The following PARN variants were observed in gnomAD, a reference collection of about 807,000 sequenced individuals.
PARN encodes poly(A)-specific ribonuclease PARN.
A neutral mutation model predicts 102.8 loss-of-function variants in PARN; 71 were observed. The observed-to-expected ratio is 0.69, with a 90% CI of 0.57 to 0.84. PARN has a LOEUF of 0.84. Ranked by LOEUF, PARN falls within the 40% of genes least tolerant of loss-of-function variation. The pLI is 0.00. For missense variants in PARN, 782 were observed against 760.9 expected (o/e 1.03, Z -0.33); for synonymous variants, 261 against 252.9 (o/e 1.03, Z -0.30).
intron 11 of PARN, among the ~76,000 whole-genome samples, chr16:14,601,245 C>T (rs979360898): frequency 3.9e-5 from 6 of 152,172 alleles, no homozygotes; most frequent in Admixed American, 1.3e-4. Context: ...AAAATGTGGT[C>T]TAGCCACACA....
In PARN at chr16:14,593,380, T is replaced by A; in HGVS notation, c.841-2A>T. ...ATTGTGTCCAATAACAAGTTTTCCCTAAAGAAAGTCAAGGTTAGAAAAAAG... is the reference window on the plus strand; with the variant it reads ...ATTGTGTCCAATAACAAGTTTTCCCAAAAGAAAGTCAAGGTTAGAAAAAAG... On this transcript the variant is annotated splice_acceptor_variant, in intron 12 of 23. Coordinates refer to ENST00000437198, the MANE Select transcript of PARN (RefSeq NM_002582.4). LOFTEE classifies it high-confidence loss of function. The A allele has an allele frequency of 6.4e-7, 1 of 1,564,186 alleles. No individual in the cohort carries two copies. Among genetic ancestry groups the A allele is most frequent in the Non-Finnish European group, 8.8e-7 (1 of 1,138,762 alleles).
intron 18 of PARN, among the ~76,000 whole-genome samples, chr16:14,559,293 ATAT>A (rs1465809149): frequency 3.3e-5 from 5 of 151,642 alleles, no homozygotes; most frequent in Non-Finnish European, 1.5e-5. Flanking sequence ...TTTTTGAAAA[ATAT>A]TTTTTGTCAA....
chr16:14,454,861 T>TAC (rs1283101271), intron 22 of PARN, among the ~76,000 whole-genome samples: 5 of 152,250 alleles, frequency 3.3e-5, no homozygotes, highest in Non-Finnish European at 7.3e-5. Context: ...TTTTATGTGA[T>TAC]ACACTTATAC....
intron 10 of PARN, among the ~76,000 whole-genome samples, chr16:14,604,710 G>C (rs1445351975): frequency 2.0e-5 from 3 of 152,108 alleles, no homozygotes; most frequent in East Asian, 3.8e-4. Context: ...CTGCCTCCCA[G>C]ATTCAAGTGA....
At chr16:14,497,074 G>A (rs951360035) in intron 21 of PARN, among the ~76,000 whole-genome samples, 10 of 152,074 alleles carry the variant, frequency 6.6e-5, no homozygotes, top group African/African-American at 1.9e-4. Flanking sequence ...GCCTGCAATA[G>A]GTTTTAAATT....
intron 21 of PARN, among the ~76,000 whole-genome samples, chr16:14,526,481 C>G (rs979441306): frequency 3.3e-5 from 5 of 152,128 alleles, no homozygotes; most frequent in African/African-American, 1.2e-4. Flanking sequence ...CCGGCCTCAT[C>G]CACTGTTTTT....
At chr16:14,538,218 A>C (rs1596611117) in intron 21 of PARN, among the ~76,000 whole-genome samples, 2 of 144,962 alleles carry the variant, frequency 1.4e-5, no homozygotes, top group South Asian at 4.3e-4. Flanking sequence ...AATATTTTTC[A>C]CTTTTTTTTT....
chr16:14,604,688 T>C (rs903212201), intron 10 of PARN, among the ~76,000 whole-genome samples: 1 of 152,156 alleles, frequency 6.6e-6, no homozygotes, highest in Non-Finnish European at 1.5e-5. Context: ...CAACCTCAGC[T>C]CACTGCAAAC....
intron 21 of PARN, among the ~76,000 whole-genome samples, chr16:14,514,437 C>G (rs927130422): frequency 2.6e-5 from 4 of 152,146 alleles, no homozygotes; most frequent in Non-Finnish European, 4.4e-5. Flanking sequence ...CCACCCGCCT[C>G]AGCCTCCCAA....
chr16:14,576,737 G>A (rs1193904327), intron 18 of PARN, among the ~76,000 whole-genome samples: 1 of 152,224 alleles, frequency 6.6e-6, no homozygotes, highest in Non-Finnish European at 1.5e-5. Flanking sequence ...GCGTGATCCT[G>A]ATTTCCATGG....
intron 21 of PARN, chr16:14,501,460 A>AAAAAAAAAAAC (rs71150191): frequency 1.5e-5 from 2 of 137,600 alleles, no homozygotes; most frequent in African/African-American, 5.3e-5. Flanking sequence ...AAAAAAAAAA[A>AAAAAAAAAAAC]CAGAAAGAAA....
chr16:14,513,443 C>T (rs1348927950), intron 21 of PARN, among the ~76,000 whole-genome samples: 1 of 152,160 alleles, frequency 6.6e-6, no homozygotes, highest in Admixed American at 6.5e-5. Flanking sequence ...CTATAAAATC[C>T]TGTCTTCATT....
At chr16:14,522,465 T>G (rs1596566401) in intron 21 of PARN, among the ~76,000 whole-genome samples, 1 of 152,270 alleles carries the variant, frequency 6.6e-6, no homozygotes, top group South Asian at 2.1e-4. Flanking sequence ...GCTTGAGTCC[T>G]GGAGTTTAAG....
chr16:14,523,491 A>G (rs1203047624), intron 21 of PARN, among the ~76,000 whole-genome samples: 2 of 152,204 alleles, frequency 1.3e-5, no homozygotes, highest in East Asian at 3.8e-4. Flanking sequence ...AATGCAATAC[A>G]ATCAGAAAAT....
chr16:14,586,999 T>C (rs1969899003), intron 13 of PARN, among the ~76,000 whole-genome samples: 1 of 152,364 alleles, frequency 6.6e-6, no homozygotes, highest in South Asian at 2.1e-4. Flanking sequence ...AGAGCTGAAA[T>C]GAGAGTCCTC....
At position 14,438,560 on chromosome 16, in the gene PARN, G is replaced by A. The variant is rs148034019; in HGVS notation, c.1865-1788C>T. Among the ~76,000 whole-genome samples the A allele has an allele frequency of 1.3e-3, 202 of 152,072 alleles. 2 individuals are homozygous for A. The East Asian group carries it at 0.015, about 11-fold the overall frequency. ...GTTCTGGAGTAAGGCAAGTCAAGTTGGACCATTTTACTAGCTGGATGACCT... is the reference window on the plus strand; with the variant it reads ...GTTCTGGAGTAAGGCAAGTCAAGTTAGACCATTTTACTAGCTGGATGACCT... On this transcript the variant is annotated intron_variant, in intron 23 of 23. Coordinates refer to ENST00000437198, the MANE Select transcript of PARN (RefSeq NM_002582.4).
chr16:14,465,421 G>T (rs955849422), intron 22 of PARN, among the ~76,000 whole-genome samples: 4 of 152,038 alleles, frequency 2.6e-5, no homozygotes, highest in Non-Finnish European at 4.4e-5. Context: ...GAAAATCACC[G>T]ACTAAATAAG....
intron 18 of PARN, among the ~76,000 whole-genome samples, chr16:14,559,018 GAAAAATATAAATAT>G (rs1257708921): frequency 1.3e-5 from 2 of 151,942 alleles, no homozygotes; most frequent in African/African-American, 2.4e-5. Flanking sequence ...CTGGGAGGGA[GAAAAATATAAATAT>G]AAAAATATAA....
intron 21 of PARN, among the ~76,000 whole-genome samples, chr16:14,526,473 G>A (rs1279532689): frequency 2.6e-5 from 4 of 152,028 alleles, no homozygotes; most frequent in East Asian, 3.9e-4. Flanking sequence ...CACCGTGCCC[G>A]GCCTCATCCA....
Sources: allele counts gnomAD v4.1 joint callset (sites outside exome capture counted in the v4.1 genomes callset), GRCh38; gene constraint gnomAD v4.1.1; transcripts MANE v1.5; gene names NCBI Gene and HGNC (gene_info 2026-07-23, HGNC 2026-07-21).